Variants in CDH18 observed in about 807,000 individuals in gnomAD.
CDH18 encodes cadherin 18.
Under a neutral mutation model 67.9 loss-of-function variants are expected in CDH18, and 31 were observed. The ratio of observed to expected loss-of-function variants is 0.46; its 90% CI spans 0.34 to 0.62. The LOEUF is 0.62. Ranked by LOEUF, CDH18 falls within the 20% of genes least tolerant of loss-of-function variation. The pLI, the probability that CDH18 is intolerant of heterozygous loss-of-function variation, is 0.01. For missense variants in CDH18, 890 were observed against 975.5 expected (o/e 0.91, Z 1.17); for synonymous variants, 362 against 347.2 (o/e 1.04, Z -0.48).
At chr5:20,436,923 T>G (rs978202343) in intron 1 of CDH18, among the ~76,000 whole-genome samples, 2 of 151,570 alleles carry the variant, frequency 1.3e-5, no homozygotes, top group Non-Finnish European at 3.0e-5. Flanking sequence ...GAGTTACAAA[T>G]AATAACTCCA....
At chr5:19,499,081 C>T (rs972078340) in intron 11 of CDH18, among the ~76,000 whole-genome samples, 3 of 152,134 alleles carry the variant, frequency 2.0e-5, no homozygotes, top group Non-Finnish European at 2.9e-5. Flanking sequence ...TTTACATGCA[C>T]GTTGGTTGAA....
At chr5:19,648,099 C>A (rs1193014468) in intron 5 of CDH18, among the ~76,000 whole-genome samples, 1 of 152,098 alleles carries the variant, frequency 6.6e-6, no homozygotes, top group African/African-American at 2.4e-5. Context: ...CAGCCTTGGA[C>A]TTTCAGTTAA....
chr5:19,832,994 C>A (rs1263118890), intron 3 of CDH18, among the ~76,000 whole-genome samples: 1 of 151,796 alleles, frequency 6.6e-6, no homozygotes, highest in African/African-American at 2.4e-5. Context: ...TTAGGATTCT[C>A]TTGGCTATAT....
intron 2 of CDH18, among the ~76,000 whole-genome samples, chr5:20,092,925 A>C (rs539396660): frequency 2.0e-5 from 3 of 152,150 alleles, no homozygotes; most frequent in African/African-American, 7.2e-5. Context: ...AGAATCCTTA[A>C]ATAAAATTTA....
intron 2 of CDH18, among the ~76,000 whole-genome samples, chr5:19,881,751 C>T (rs112759942): frequency 2.0e-5 from 3 of 152,134 alleles, no homozygotes; most frequent in African/African-American, 7.2e-5. Context: ...GGTGATCCAC[C>T]CGCCTCGACC....
At chr5:19,714,891 GTTATTA>G (rs1009535840) in intron 5 of CDH18, among the ~76,000 whole-genome samples, 3 of 151,708 alleles carry the variant, frequency 2.0e-5, no homozygotes, top group South Asian at 2.1e-4. Flanking sequence ...AATTATTATT[GTTATTA>G]TTATTATCAA....
intron 2 of CDH18, among the ~76,000 whole-genome samples, chr5:20,171,601 C>G (rs1025586097): frequency 6.6e-6 from 1 of 151,834 alleles, no homozygotes; most frequent in African/African-American, 2.4e-5. Flanking sequence ...AAGTCTCTTA[C>G]AGATGCTGGA....
chr5:20,373,641 A>T (rs1254137541), intron 1 of CDH18, among the ~76,000 whole-genome samples: 2 of 145,432 alleles, frequency 1.4e-5, no homozygotes, highest in African/African-American at 2.7e-5. Context: ...TGAAAAATAA[A>T]TATAAATAAA....
intron 12 of CDH18, among the ~76,000 whole-genome samples, chr5:19,475,712 A>G (rs1262419404): frequency 6.6e-6 from 1 of 152,048 alleles, no homozygotes; most frequent in African/African-American, 2.4e-5. Context: ...ACATACCTAT[A>G]TACAGATATA....
intron 1 of CDH18, among the ~76,000 whole-genome samples, chr5:20,566,703 T>C (rs1377942108): frequency 1.3e-5 from 2 of 151,924 alleles, no homozygotes; most frequent in Non-Finnish European, 2.9e-5. Flanking sequence ...GCCAGGAGCT[T>C]ACATGTGTGA....
At chr5:20,037,295 T>C (rs1174991081) in intron 2 of CDH18, among the ~76,000 whole-genome samples, 1 of 151,978 alleles carries the variant, frequency 6.6e-6, no homozygotes, top group East Asian at 1.9e-4. Context: ...AAGGAGCTCT[T>C]GTAAGGCAGG....
At chr5:19,621,303 C>A (rs530294260) in intron 5 of CDH18, among the ~76,000 whole-genome samples, 2 of 151,486 alleles carry the variant, frequency 1.3e-5, no homozygotes, top group East Asian at 3.9e-4. Context: ...ATTCCTATGC[C>A]GTTTCATTCC....
intron 5 of CDH18, among the ~76,000 whole-genome samples, chr5:19,684,909 G>T (rs995387329): frequency 2.0e-5 from 3 of 151,992 alleles, no homozygotes; most frequent in African/African-American, 7.2e-5. Context: ...CACTTCTCAG[G>T]TTGTAATATG....
At chr5:19,667,872 C>T (rs1343382707) in intron 5 of CDH18, among the ~76,000 whole-genome samples, 2 of 151,754 alleles carry the variant, frequency 1.3e-5, no homozygotes, top group East Asian at 3.9e-4. Context: ...CAAACAAATG[C>T]CATTTACCAT....
At chr5:19,932,479 C>T (rs980204293) in intron 2 of CDH18, among the ~76,000 whole-genome samples, 2 of 151,644 alleles carry the variant, frequency 1.3e-5, no homozygotes, top group Non-Finnish European at 3.0e-5. Context: ...AGCTGTCTAT[C>T]CCCTATCTCA....
intron 3 of CDH18, among the ~76,000 whole-genome samples, chr5:19,810,340 A>T (rs1778508075): frequency 7.9e-6 from 1 of 126,384 alleles, no homozygotes; most frequent in Admixed American, 7.8e-5. Context: ...CAAAAAAAAT[A>T]AAATAAAAAT....
At chr5:19,481,174 G>A (rs1739357323) in intron 12 of CDH18, among the ~76,000 whole-genome samples, 1 of 151,992 alleles carries the variant, frequency 6.6e-6, no homozygotes, top group Non-Finnish European at 1.5e-5. Flanking sequence ...CTTATTTAGT[G>A]ATCACATTGT....
chr5:19,737,240 C>A lies in CDH18; in HGVS notation c.523+9702G>T, dbSNP rs1276265239. 2.6e-5 allele frequency among the ~76,000 whole-genome samples: 4 copies of A among 152,132 alleles called. No homozygotes were observed. The East Asian group carries it at 7.7e-4, about 29-fold the overall frequency. ...GATCATGGTGAATTTTCTCTACACC[C>A]AATCACTGTGTAGTCATTCTATACC... On this transcript the variant is annotated intron_variant, in intron 4 of 12. Coordinates refer to ENST00000382275, the MANE Select transcript of CDH18 (RefSeq NM_004934.5).
At chr5:20,443,207 C>CTCAAAAAAAAAAAAAAAAAAAAAAAA (rs1491460573) in intron 1 of CDH18, among the ~76,000 whole-genome samples, 1 of 25,386 alleles carries the variant, frequency 3.9e-5, no homozygotes, top group African/African-American at 1.4e-4. Context: ...GAGACTCCGT[C>CTCAAAAAAAAAAAAAAAAAAAAAAAA]ACAAAAAAAA....
Sources: allele counts gnomAD v4.1 joint callset (sites outside exome capture counted in the v4.1 genomes callset), GRCh38; gene constraint gnomAD v4.1.1; transcripts MANE v1.5; gene names NCBI Gene and HGNC (gene_info 2026-07-23, HGNC 2026-07-21).